SPARC: variants seen among roughly 807,000 people sequenced by gnomAD.
SPARC encodes the protein basement-membrane protein 40.
In SPARC, 23 loss-of-function variants were observed where a neutral mutation model predicts 37.7. The observed-to-expected ratio is 0.61, with a 90% CI of 0.44 to 0.87. SPARC has a LOEUF of 0.87. Among genes scored for constraint, SPARC ranks in the 40% least tolerant of loss-of-function variants. The pLI is 0.00. For missense variants in SPARC, 312 were observed against 389.0 expected, an observed-to-expected ratio of 0.80 and a Z score of 1.66; for synonymous variants, 155 against 150.8, an observed-to-expected ratio of 1.03 and a Z score of -0.20.
chr5:151,666,350 T>C lies in SPARC; in HGVS notation c.734+11A>G. ...CTTGAGCTCTGTTCACTCTAGGGTC[T>C]GGGGTCTTACCCGTCAATGGGGTGC... On this transcript the variant is annotated intron_variant, in intron 8 of 9. Transcript: ENST00000231061. 1.2e-6 allele frequency: 2 copies of C among 1,613,022 alleles called. No individual in the cohort carries two copies. The highest frequency in any genetic ancestry group is 4.5e-5 in the East Asian group (2 of 44,852).
intron 9 of SPARC, among the ~76,000 whole-genome samples, 177 bp downstream of exon 9, chr5:151,663,910 G>A (rs1760567037): frequency 1.3e-5 from 2 of 152,246 alleles, no homozygotes; most frequent in Non-Finnish European, 2.9e-5. Flanking sequence ...TGGATGGACA[G>A]AGAAGGATCA....
intron 6 of SPARC, among the ~76,000 whole-genome samples, chr5:151,668,843 C>G (rs540307373): frequency 3.3e-4 from 51 of 152,270 alleles, no homozygotes; most frequent in Middle Eastern, 6.8e-3. Flanking sequence ...ACCTGGGGTC[C>G]CACGAGGAGA....
chr5:151,665,578 G>A (rs1243818302), intron 8 of SPARC, among the ~76,000 whole-genome samples: 1 of 151,378 alleles, frequency 6.6e-6, no homozygotes, highest in African/African-American at 2.4e-5. Context: ...CAAGGACGAA[G>A]AAAAAACCAC....
At chr5:151,684,736 A>T (rs1316868311) in intron 1 of SPARC, among the ~76,000 whole-genome samples, 1 of 151,902 alleles carries the variant, frequency 6.6e-6, no homozygotes, top group Non-Finnish European at 1.5e-5. Context: ...GCATTATCCC[A>T]TTTCTTCTAC....
intron 1 of SPARC, among the ~76,000 whole-genome samples, chr5:151,678,768 A>C (rs1375333159): frequency 6.6e-6 from 1 of 152,182 alleles, no homozygotes; most frequent in Non-Finnish European, 1.5e-5. Flanking sequence ...CTTGGAATAC[A>C]CCTTAAAAGT....
chr5:151,685,420 TCTCACACA>T (rs956474852), intron 1 of SPARC, among the ~76,000 whole-genome samples: 5 of 107,160 alleles, frequency 4.7e-5, no homozygotes, highest in Non-Finnish European at 9.5e-5. Flanking sequence ...TCCCTCTCTC[TCTCACACA>T]CACACACACA....
chr5:151,670,504 C>A (rs1760725454), intron 5 of SPARC, among the ~76,000 whole-genome samples: 1 of 152,212 alleles, frequency 6.6e-6, no homozygotes, highest in South Asian at 2.1e-4. Context: ...TCAGTCTCCA[C>A]CCAGATTCCT....
chr5:151,685,408 T>C (rs59493441), intron 1 of SPARC, among the ~76,000 whole-genome samples: 427 of 116,702 alleles, frequency 3.7e-3, no homozygotes, highest in Admixed American at 0.01. Flanking sequence ...TCTCTCTCTC[T>C]CTCCCTCTCT....
At chr5:151,678,832 G>A (rs763589518) in intron 1 of SPARC, among the ~76,000 whole-genome samples, 17 of 152,116 alleles carry the variant, frequency 1.1e-4, no homozygotes, top group Non-Finnish European at 2.2e-4. Flanking sequence ...CCCAGCACCC[G>A]GTGCTACACC....
At chr5:151,680,948 G>T (rs1760974612) in intron 1 of SPARC, among the ~76,000 whole-genome samples, 1 of 152,240 alleles carries the variant, frequency 6.6e-6, no homozygotes, top group South Asian at 2.1e-4. Context: ...GGGGTGTTTG[G>T]GTGGAACAAA....
At chr5:151,674,883 C>G (rs1183702246) in intron 2 of SPARC, among the ~76,000 whole-genome samples, 1 of 152,104 alleles carries the variant, frequency 6.6e-6, no homozygotes, top group Non-Finnish European at 1.5e-5. Context: ...CAAGCAGCTC[C>G]CATTTTATAT....
intron 8 of SPARC, among the ~76,000 whole-genome samples, chr5:151,664,989 C>A (rs957191175): frequency 2.6e-5 from 4 of 152,182 alleles, no homozygotes; most frequent in Non-Finnish European, 5.9e-5. Context: ...CTCCAGGGAA[C>A]AATGTGACTC....
rs1760850779 is a variant in SPARC, at chr5:151,676,121, T to C, written c.57+11A>G. On this transcript the variant is annotated intron_variant, in intron 2 of 9. Coordinates refer to ENST00000231061, the MANE Select transcript of SPARC (RefSeq NM_003118.4). ...AATGAAAACAAGAAGACATGATATT[T>C]AGGTACTTACAGGGGCTGCCAAGGC... 1 of 1,607,932 alleles carries C rather than the reference T, an allele frequency of 6.2e-7. No homozygotes were observed. The highest frequency in any genetic ancestry group is 1.3e-5 in the African/African-American group (1 of 74,842).
chr5:151,666,148 TACTG>T (rs2113085161), intron 8 of SPARC, among the ~76,000 whole-genome samples: 1 of 152,370 alleles, frequency 6.6e-6, no homozygotes, highest in South Asian at 2.1e-4. Flanking sequence ...TTTGAGCTCC[TACTG>T]ACTTTCACCT....
chr5:151,682,722 G>A (rs1474730801), intron 1 of SPARC, among the ~76,000 whole-genome samples: 3 of 152,196 alleles, frequency 2.0e-5, no homozygotes, highest in Non-Finnish European at 4.4e-5. Flanking sequence ...GAGGTCACAC[G>A]GCAAGCTGGT....
chr5:151,669,838 T>C (rs1320549262), intron 5 of SPARC, 54 bp from the exon 6 acceptor site: 133 of 1,606,752 alleles, frequency 8.3e-5, no homozygotes, highest in Non-Finnish European at 5.3e-5. Context: ...CCTTCGCTGA[T>C]ACCAATATCC....
chr5:151,667,780 C>T, intron 6 of SPARC, 180 bp from the exon 7 acceptor site: 4 of 668,456 alleles, frequency 6.0e-6, no homozygotes, highest in Non-Finnish European at 1.0e-5. Flanking sequence ...GGGAAGAATG[C>T]CCTAGAAATG....
intron 1 of SPARC, among the ~76,000 whole-genome samples, chr5:151,681,065 G>A (rs1486313678): frequency 2.6e-5 from 4 of 152,206 alleles, no homozygotes; most frequent in African/African-American, 7.2e-5. Context: ...TACCAGCCAA[G>A]CATCTCACTC....
At position 151,663,652 on chromosome 5, in the gene SPARC, G is replaced by A. The variant is rs11950384; in HGVS notation, c.884-53C>T. The A allele has an allele frequency of 0.16, 259,406 of 1,592,466 alleles. 25,368 individuals are homozygous for A. The highest frequency in any genetic ancestry group is 0.41 in the East Asian group (18,246 of 44,730). ...AAAATAAGGCTGTGTCGATGATAACGCACTTCCCAAGGAGTCAGTGGACTC... is the reference window on the plus strand; with the variant it reads ...AAAATAAGGCTGTGTCGATGATAACACACTTCCCAAGGAGTCAGTGGACTC... On this transcript the variant is annotated intron_variant, in intron 9 of 9. Transcript: ENST00000231061.
Sources: gnomAD v4.1 joint callset for allele counts (sites outside exome capture counted in the v4.1 genomes callset) on GRCh38, gnomAD v4.1.1 for gene constraint, MANE v1.5 for transcripts, NCBI Gene and HGNC (gene_info 2026-07-23, HGNC 2026-07-21) for gene names.